Variants in CHD2 observed in about 807,000 individuals in gnomAD.
CHD2 encodes the protein chromodomain helicase DNA binding protein 2.
In CHD2, 28 loss-of-function variants were observed where a neutral mutation model predicts 243.9. The ratio of observed to expected loss-of-function variants is 0.11; its 90% CI spans 0.09 to 0.16. The LOEUF (loss-of-function observed/expected upper bound fraction) is 0.16. CHD2 is among the 10% of genes least tolerant of loss of function. The pLI is 1.00. For missense variants in CHD2, 1,386 were observed against 2,209.8 expected (o/e 0.63, Z 7.47); for synonymous variants, 775 against 779.0 (o/e 0.99, Z 0.09).
intron 37 of CHD2, among the ~76,000 whole-genome samples, chr15:93,016,375 T>C (rs887130306): frequency 9.2e-5 from 14 of 152,284 alleles, no homozygotes; most frequent in African/African-American, 3.1e-4. Flanking sequence ...TGGGAAGATA[T>C]TAACAACGGA....
chr15:92,929,273 C>G (rs1223737676), intron 5 of CHD2, among the ~76,000 whole-genome samples, 182 bp downstream of exon 5: 1 of 152,122 alleles, frequency 6.6e-6, no homozygotes, highest in Non-Finnish European at 1.5e-5. Context: ...ATTGGAAACT[C>G]AAGATTCTCA....
rs915089815 is a variant in CHD2 at position 92,981,085 on chromosome 15, G to A, written c.2973+174G>A. 2.0e-5 allele frequency among the ~76,000 whole-genome samples: 3 copies of A among 152,168 alleles called. No individual in the cohort carries two copies. In the South Asian group the frequency reaches 6.2e-4, roughly 31 times the overall value. The stretch of plus-strand genomic sequence containing the variant: ...AGCTCTTACCAAATTGAGTAGGAAG[G>A]AATTAATAAAGCATTCGAGTATACT... On this transcript the variant is annotated intron_variant, in intron 23 of 38. Transcript: ENST00000394196.
intron 5 of CHD2, among the ~76,000 whole-genome samples, chr15:92,932,976 C>T (rs572498375): frequency 6.6e-6 from 1 of 151,714 alleles, no homozygotes; most frequent in Non-Finnish European, 1.5e-5. Context: ...CTCCTGACCT[C>T]AGGTGATCCA....
intron 20 of CHD2, among the ~76,000 whole-genome samples, chr15:92,976,444 T>C (rs2053909441): frequency 6.6e-6 from 1 of 152,142 alleles, no homozygotes; most frequent in Non-Finnish European, 1.5e-5. Context: ...TGTATTTCCA[T>C]TCCTACTAGA....
intron 19 of CHD2, among the ~76,000 whole-genome samples, chr15:92,974,447 C>CT (rs2053881455): frequency 6.6e-6 from 1 of 152,172 alleles, no homozygotes; most frequent in Admixed American, 6.5e-5. Context: ...TTGTGTGACA[C>CT]TTTAAGTGAT....
At chr15:92,940,771 A>G (rs2053349181) in intron 7 of CHD2, among the ~76,000 whole-genome samples, 1 of 141,538 alleles carries the variant, frequency 7.1e-6, no homozygotes, top group Non-Finnish European at 1.5e-5. Flanking sequence ...AAAAATATAT[A>G]TAAAAAATAT....
intron 37 of CHD2, among the ~76,000 whole-genome samples, chr15:93,018,178 ATC>A (rs2054487042): frequency 6.6e-6 from 1 of 152,256 alleles, no homozygotes; most frequent in African/African-American, 2.4e-5. Flanking sequence ...ATATGAAGCC[ATC>A]CTCAAGTGAT....
intron 7 of CHD2, among the ~76,000 whole-genome samples, chr15:92,940,334 A>G (rs1339062638): frequency 1.3e-5 from 2 of 152,266 alleles, no homozygotes; most frequent in Non-Finnish European, 2.9e-5. Flanking sequence ...ATGCACCTGC[A>G]GTCCCAGCTA....
intron 28 of CHD2, 114 bp downstream of exon 28, chr15:92,993,112 C>A: frequency 9.1e-7 from 1 of 1,102,468 alleles, no homozygotes; most frequent in Non-Finnish European, 1.3e-6. Flanking sequence ...CTAGTGATTT[C>A]AGGTGTTTAT....
chr15:92,977,605 G>A (rs2053926962), intron 20 of CHD2, among the ~76,000 whole-genome samples: 1 of 151,962 alleles, frequency 6.6e-6, no homozygotes, highest in Non-Finnish European at 1.5e-5. Context: ...AGTGTCTACT[G>A]TCATTGCTGT....
In CHD2 at chr15:93,024,657, A is replaced by G. The variant is rs1567168700; in HGVS notation, c.5439A>G (p.Leu1813=). ...LDHRSPLERS[L]EQKNNPDYNW... ...ATAGGTCTCCTTTGGAGAGATCACT[A>G]GAACAGAAAAACAACCCAGATTATA... The change falls in exon 39 of 39, where the codon CTA becomes CTG. Residue 1813 remains leucine (L), a synonymous_variant. Coordinates refer to ENST00000394196, the MANE Select transcript of CHD2 (RefSeq NM_001271.4). 1 of 1,613,610 alleles carries G rather than the reference A, an allele frequency of 6.2e-7. No homozygotes were observed. The highest frequency in any genetic ancestry group is 1.3e-5 in the African/African-American group (1 of 75,010).
Position 92,998,737 on chromosome 15 carries a change from G to T in CHD2, c.4008+116G>T. On this transcript the variant is annotated intron_variant, in intron 31 of 38. Transcript: ENST00000394196. This position sits in a 1 kb window ranked among gnomAD's most constrained non-coding sequence, Gnocchi z 5.1. Reference sequence around the variant, plus strand: ...TGCACAGAATGTCACCTTCTCATGGGCATATTTTGTTTTTGAGGTTCCAGT... The same window carrying T: ...TGCACAGAATGTCACCTTCTCATGGTCATATTTTGTTTTTGAGGTTCCAGT... 2.3e-6 allele frequency: 3 copies of T among 1,303,712 alleles called. No homozygotes were observed. The allele number at this position is 1,303,712 out of a possible 1,614,324, so 80.8% of individuals were successfully genotyped here.
chr15:93,014,593 TAAGAAGGAC>T, intron 36 of CHD2, 94 bp from the exon 37 acceptor site: 2 of 1,019,668 alleles, frequency 2.0e-6, no homozygotes, highest in Non-Finnish European at 2.9e-6. Flanking sequence ...TTCAGAAGTT[TAAGAAGGAC>T]AAGAAGGAGC....
intron 9 of CHD2, chr15:92,944,197 T>C (rs2053426641): frequency 5.6e-6 from 2 of 356,394 alleles, no homozygotes; most frequent in Non-Finnish European, 5.3e-6. Context: ...TGGTATATCC[T>C]TCTATGAGTG....
At position 92,938,841 on chromosome 15, in the gene CHD2, T is replaced by TC. The variant is rs575628009; in HGVS notation, c.552-734dup. On this transcript the variant is annotated intron_variant, in intron 6 of 38. Coordinates refer to ENST00000394196, the MANE Select transcript of CHD2 (RefSeq NM_001271.4). ...ACTGTGGCTTTCAATCCTGGCCATC[T>TC]CCCTGGTCTGTCCAAGTTAATTCTG... is the stretch of plus-strand genomic sequence containing the variant. Among the ~76,000 whole-genome samples, 48 of 152,340 alleles carry TC rather than the reference T, an allele frequency of 3.2e-4. 3 individuals carry two copies. In the East Asian group the frequency reaches 9.3e-3, roughly 29 times the overall value.
In CHD2 at chr15:92,900,641, C is replaced by T; in HGVS notation, c.-255C>T. The T allele has an allele frequency of 2.6e-6, 1 of 389,440 alleles. No individual in the cohort carries two copies. 24.1% of individuals were successfully genotyped at this position (389,440 alleles called of 1,614,324 possible). ...GCGCTCTCCTAATGAGGTTTTTTTT[C>T]TTTCGGACCTGTTTTAGTATTAATT... On this transcript the variant is annotated 5_prime_UTR_variant, in exon 1 of 39. Transcript: ENST00000394196.
At chr15:92,942,052 G>A in intron 8 of CHD2, 97 bp downstream of exon 8, 1 of 1,192,480 alleles carries the variant, frequency 8.4e-7, no homozygotes, top group Admixed American at 2.2e-5. Context: ...TTAGTCTACT[G>A]CTGTATTTGT....
Position 92,965,423 on chromosome 15 carries a change from G to A in CHD2, c.2001-1902G>A, listed in dbSNP as rs546087307. 5 of 152,100 alleles carry A rather than the reference G, an allele frequency of 3.3e-5. No individual in the cohort carries two copies. In the East Asian group the frequency reaches 9.7e-4, roughly 29 times the overall value. The allele number at this position is 152,100 out of a possible 1,614,324, so 9.4% of individuals were successfully genotyped here. A position where few individuals can be genotyped will look rare whatever the true frequency, so the allele number is the denominator to read the frequency against. ...TACAAAAAATTAGCCGGGTGTGATG[G>A]TGGGCGCCTGTAGTTCCAGCTGCTC... On this transcript the variant is annotated intron_variant, in intron 16 of 38. Coordinates refer to ENST00000394196, the MANE Select transcript of CHD2 (RefSeq NM_001271.4).
chr15:92,939,492 C>T, intron 6 of CHD2, 86 bp from the exon 7 acceptor site: 2 of 1,384,202 alleles, frequency 1.4e-6, no homozygotes, highest in Non-Finnish European at 2.0e-6. Context: ...GATGTATGAA[C>T]CACTGCTCTG....
Sources: gnomAD v4.1 joint callset for allele counts (sites outside exome capture counted in the v4.1 genomes callset) on GRCh38, gnomAD v4.1.1 for gene constraint, Gnocchi (gnomAD v3.1) non-coding constraint, MANE v1.5 for transcripts, NCBI Gene and HGNC (gene_info 2026-07-23, HGNC 2026-07-21) for gene names.